Variants in PDE1A observed in about 807,000 individuals in gnomAD.
PDE1A encodes dual specificity calcium/calmodulin-dependent 3',5'-cyclic nucleotide phosphodiesterase 1A.
In PDE1A, 35 loss-of-function variants were observed where a neutral mutation model predicts 61.7. The observed-to-expected ratio is 0.57, with a 90% CI of 0.43 to 0.75. The LOEUF (loss-of-function observed/expected upper bound fraction) is 0.75. Ranked by LOEUF, PDE1A falls within the 30% of genes least tolerant of loss-of-function variation. The pLI is 0.00. For synonymous variants in PDE1A, 232 were observed against 213.2 expected (o/e 1.09, Z -0.77); for missense variants, 597 against 630.6 (o/e 0.95, Z 0.57).
chr2:182,337,203 A>G (rs1405804657), intron 1 of PDE1A, among the ~76,000 whole-genome samples: 2 of 152,120 alleles, frequency 1.3e-5, no homozygotes, highest in African/African-American at 2.4e-5. Context: ...AGGTAGGGAA[A>G]GGATTTGAAC....
At chr2:182,544,511 C>A in the PDE1A span, among the ~76,000 whole-genome samples, 8 of 152,184 alleles carry the variant, frequency 5.3e-5, no homozygotes, top group Non-Finnish European at 1.2e-4. Context: ...GACATACCAT[C>A]AGCTTAGAGA....
intron 2 of PDE1A, among the ~76,000 whole-genome samples, chr2:182,512,422 A>C (rs1689861592): frequency 6.6e-6 from 1 of 152,210 alleles, no homozygotes; most frequent in Non-Finnish European, 1.5e-5. Context: ...CCTCAAGTGC[A>C]TGAAAGAATA....
At chr2:182,292,747 C>T (rs541962313) in intron 1 of PDE1A, among the ~76,000 whole-genome samples, 2 of 152,004 alleles carry the variant, frequency 1.3e-5, no homozygotes, top group Non-Finnish European at 2.9e-5. Context: ...TTCTCTATCT[C>T]CTCTCTCTTT....
At chr2:182,371,177 G>A (rs1206649031) in intron 1 of PDE1A, among the ~76,000 whole-genome samples, 2 of 152,048 alleles carry the variant, frequency 1.3e-5, no homozygotes, top group Non-Finnish European at 2.9e-5. Flanking sequence ...AAAAGACTAC[G>A]AAAAAAGTAG....
the PDE1A span, among the ~76,000 whole-genome samples, chr2:182,667,166 T>C: frequency 1.3e-5 from 2 of 152,200 alleles, no homozygotes; most frequent in African/African-American, 2.4e-5. Flanking sequence ...CTGCAGTTTC[T>C]GTTTTATAAA....
chr2:182,185,511 A>G (rs1685129281), intron 13 of PDE1A, among the ~76,000 whole-genome samples: 1 of 152,216 alleles, frequency 6.6e-6, no homozygotes. Context: ...TCTGACATGA[A>G]GTGATAACAC....
chr2:182,201,433 A>G lies in PDE1A; in HGVS notation c.1125+6T>C. On this transcript the variant is annotated splice_donor_region_variant and intron_variant, in intron 10 of 13. Transcript: ENST00000351439. ...AAAACATTTGCACAGAGTGTGAAAGAGGCACCTGCAGGAAAAACTCCTCCA... is the reference window on the plus strand; with the variant it reads ...AAAACATTTGCACAGAGTGTGAAAGGGGCACCTGCAGGAAAAACTCCTCCA... The G allele has an allele frequency of 1.2e-6, 2 of 1,613,708 alleles. No individual in the cohort carries two copies. Among genetic ancestry groups the G allele is most frequent in the Admixed American group, 1.7e-5 (1 of 59,974 alleles).
intron 7 of PDE1A, among the ~76,000 whole-genome samples, chr2:182,218,393 CAT>C (rs1688418061): frequency 6.7e-6 from 1 of 148,154 alleles, no homozygotes; most frequent in Non-Finnish European, 1.5e-5. Context: ...ACAATGTGCA[CAT>C]GTTCCCTAAA....
chr2:182,247,955 G>A (rs1691101454), intron 2 of PDE1A, among the ~76,000 whole-genome samples: 1 of 152,018 alleles, frequency 6.6e-6, no homozygotes, highest in Admixed American at 6.5e-5. Flanking sequence ...CATTTACATT[G>A]TAAATGCTTT....
intron 2 of PDE1A, among the ~76,000 whole-genome samples, chr2:182,469,414 T>C (rs1040691345): frequency 6.6e-6 from 1 of 151,924 alleles, no homozygotes; most frequent in African/African-American, 2.4e-5. Context: ...ACTTTTCTTC[T>C]CCAGCTTCCT....
intron 13 of PDE1A, among the ~76,000 whole-genome samples, chr2:182,183,565 G>A (rs1343271971): frequency 1.3e-5 from 2 of 152,122 alleles, no homozygotes; most frequent in Non-Finnish European, 2.9e-5. Context: ...AGAGCCCCAA[G>A]CTTTGTCAGC....
At chr2:182,660,976 G>A in the PDE1A span, among the ~76,000 whole-genome samples, 1 of 152,296 alleles carries the variant, frequency 6.6e-6, no homozygotes, top group South Asian at 2.1e-4. Context: ...TAAGACAGTA[G>A]CAGAACTGTG....
chr2:182,514,009 C>A (rs565007328), intron 2 of PDE1A, among the ~76,000 whole-genome samples: 2 of 152,096 alleles, frequency 1.3e-5, no homozygotes, highest in African/African-American at 4.8e-5. Context: ...GACTGCAACA[C>A]CCCACAGCAT....
intron 2 of PDE1A, among the ~76,000 whole-genome samples, chr2:182,442,628 A>T (rs943337748): frequency 6.6e-6 from 1 of 152,110 alleles, no homozygotes; most frequent in African/African-American, 2.4e-5. Flanking sequence ...ATACATGAAT[A>T]AAGAGAATAA....
At chr2:182,593,868 G>C in the PDE1A span, among the ~76,000 whole-genome samples, 3 of 152,130 alleles carry the variant, frequency 2.0e-5, no homozygotes, top group African/African-American at 7.2e-5. Context: ...AAAACTAATA[G>C]CATCTGCATA....
chr2:182,203,108 G>C (rs1032880848), intron 8 of PDE1A, among the ~76,000 whole-genome samples: 1 of 152,128 alleles, frequency 6.6e-6, no homozygotes, highest in Non-Finnish European at 1.5e-5. Context: ...GAGGTCAGGA[G>C]ATCGAGACCA....
intron 2 of PDE1A, among the ~76,000 whole-genome samples, chr2:182,521,920 C>T (rs1336321002): frequency 6.6e-6 from 1 of 152,116 alleles, no homozygotes; most frequent in African/African-American, 2.4e-5. Context: ...TTATTTCTCT[C>T]TCTGCTTACC....
At chr2:182,708,020 C>T in the PDE1A span, among the ~76,000 whole-genome samples, 2 of 151,988 alleles carry the variant, frequency 1.3e-5, no homozygotes, top group African/African-American at 4.8e-5. Flanking sequence ...TTTGAATGTT[C>T]CCAACACAAA....
chr2:182,283,210 T>TA (rs1371919610), intron 1 of PDE1A, among the ~76,000 whole-genome samples: 3 of 152,096 alleles, frequency 2.0e-5, no homozygotes, highest in African/African-American at 4.8e-5. Context: ...TGTCCACATA[T>TA]GTGTGGTCAG....
Sources: gnomAD v4.1 joint callset for allele counts (sites outside exome capture counted in the v4.1 genomes callset) on GRCh38, gnomAD v4.1.1 for gene constraint, MANE v1.5 for transcripts, NCBI Gene and HGNC (gene_info 2026-07-23, HGNC 2026-07-21) for gene names.